PHLPP2: variants seen among roughly 807,000 people sequenced by gnomAD.
PHLPP2 encodes the protein PH domain and leucine rich repeat protein phosphatase 2.
PHLPP2 carries 66 observed loss-of-function variants against 124.9 expected under a neutral mutation model. That is an observed-to-expected ratio of 0.53 (90% CI 0.43 to 0.65). PHLPP2 has a LOEUF of 0.65. Among genes scored for constraint, PHLPP2 ranks in the 30% least tolerant of loss-of-function variants. The pLI, the probability that PHLPP2 is intolerant of heterozygous loss-of-function variation, is 0.00. For synonymous variants in PHLPP2, 681 were observed against 624.7 expected, an observed-to-expected ratio of 1.09 and a Z score of -1.34; for missense variants, 1,685 against 1,600.4, an observed-to-expected ratio of 1.05 and a Z score of -0.90.
intron 3 of PHLPP2, among the ~76,000 whole-genome samples, chr16:71,693,281 T>C (rs1236224430): frequency 1.3e-5 from 2 of 152,084 alleles, no homozygotes; most frequent in East Asian, 1.9e-4. Context: ...AGCGAGACTC[T>C]GTCTCACAAA....
At chr16:71,697,635 T>C (rs2045186413) in intron 3 of PHLPP2, among the ~76,000 whole-genome samples, 2 of 152,158 alleles carry the variant, frequency 1.3e-5, no homozygotes, top group South Asian at 4.1e-4. Flanking sequence ...TTATGCTCTT[T>C]TGACAAAGCT....
chr16:71,674,732 C>T (rs1473375407), intron 9 of PHLPP2, among the ~76,000 whole-genome samples: 1 of 152,190 alleles, frequency 6.6e-6, no homozygotes, highest in Non-Finnish European at 1.5e-5. Context: ...TGTAATGGCT[C>T]ACACCTGTAA....
intron 14 of PHLPP2, 127 bp downstream of exon 14, chr16:71,658,526 T>A: frequency 8.2e-7 from 1 of 1,223,140 alleles, no homozygotes; most frequent in Non-Finnish European, 1.1e-6. Context: ...AAGAAGACAA[T>A]AATATTTTTC....
chr16:71,659,629 T>C (rs1481386366), intron 13 of PHLPP2, among the ~76,000 whole-genome samples: 1 of 152,212 alleles, frequency 6.6e-6, no homozygotes, highest in African/African-American at 2.4e-5. Flanking sequence ...TAAACATTTA[T>C]CAAGTTCTTA....
Position 71,649,815 on chromosome 16 carries a change from A to T in PHLPP2, c.3047T>A (p.Leu1016Ter), listed in dbSNP as rs61733127. The part of the protein sequence containing the change: ...PLAAAKKLCT[L>*]AQSYGCQDNV... The stretch of plus-strand genomic sequence containing the variant: ...GTCCTGACAGCCATAGCTCTGCGCT[A>T]ATGTGCACAGCTTCTTAGCAGCTGC... The change falls in exon 19 of 19, where the codon TTA (leucine) becomes TAA (stop). Residue 1016 changes from leucine (L) to a stop codon, truncating the protein, a stop_gained. Coordinates refer to ENST00000568954, the MANE Select transcript of PHLPP2 (RefSeq NM_015020.3). LOFTEE classifies it high-confidence loss of function. The T allele has an allele frequency of 1.2e-6, 2 of 1,613,998 alleles. No homozygotes were observed. The highest frequency in any genetic ancestry group is 1.7e-6 in the Non-Finnish European group (2 of 1,179,954).
chr16:71,698,739 G>T, intron 3 of PHLPP2: 1 of 283,130 alleles, frequency 3.5e-6, no homozygotes, highest in South Asian at 4.1e-5. Flanking sequence ...GATTAATCAT[G>T]CTACCTACTC....
chr16:71,655,084 C>T (rs778688035), intron 17 of PHLPP2, 156 bp downstream of exon 17: 7 of 592,214 alleles, frequency 1.2e-5, no homozygotes, highest in Non-Finnish European at 1.8e-5. Flanking sequence ...GAAGTCCCCG[C>T]ACTCCATGCT....
rs140410920 is a variant in PHLPP2, at chr16:71,664,061, G to A, written c.1823C>T (p.Ser608Phe). 1.7e-4 allele frequency: 274 copies of A among 1,613,722 alleles called. No individual in the cohort carries two copies. The highest frequency in any genetic ancestry group is 1.9e-4 in the Non-Finnish European group (230 of 1,179,728). ...YLNASANSLE[S>F]LPSACTGEES... Reference sequence around the variant, plus strand: ...CTCTCCAGTGCAGGCGGATGGTAAAGACTCCAGACTATTTGCAGATGCATT... The same window carrying A: ...CTCTCCAGTGCAGGCGGATGGTAAAAACTCCAGACTATTTGCAGATGCATT... Residue 608 changes from serine to phenylalanine, a missense_variant, in exon 13 of 19, where the codon TCT becomes TTT. By Grantham distance (155) the Ser-to-Phe change is radical (BLOSUM62 -2). Transcript: ENST00000568954.
In PHLPP2 at chr16:71,679,529, A is replaced by G; in HGVS notation, c.897T>C (p.Ser299=). The part of the protein sequence containing the change: ...PGGLDTLYKF[S]QLKGLNLSHN... ...GGGACAAGTTCAGGCCCTTCAGTTGAGAAAATCTAAAGAGCAAAGGCAAAA... is the reference window on the plus strand; with the variant it reads ...GGGACAAGTTCAGGCCCTTCAGTTGGGAAAATCTAAAGAGCAAAGGCAAAA... The change falls in exon 7 of 19, where the codon TCT becomes TCC. Residue 299 remains serine, a synonymous_variant. Coordinates refer to ENST00000568954, the MANE Select transcript of PHLPP2 (RefSeq NM_015020.3). 6.2e-7 allele frequency: 1 copy of G among 1,613,986 alleles called. No individual in the cohort carries two copies. Among genetic ancestry groups the G allele is most frequent in the Non-Finnish European group, 8.5e-7 (1 of 1,179,922 alleles).
chr16:71,674,990 C>A (rs1220424187), intron 9 of PHLPP2, among the ~76,000 whole-genome samples: 1 of 152,184 alleles, frequency 6.6e-6, no homozygotes, highest in Admixed American at 6.5e-5. Context: ...GAGCTAGACT[C>A]CGTCTCAAAA....
At position 71,655,302 on chromosome 16, in the gene PHLPP2, T is replaced by C; in HGVS notation, c.2523A>G (p.Glu841=). ...TGTCATTAGTTGACTGCTGTACCTC[T>C]TCTAAAAGCACATCTGCCATCGTAC... ...LQCTMADVLL[E]EVQQSTNDTV... Residue 841 remains glutamate, a synonymous_variant, in exon 17 of 19, where the codon GAA becomes GAG. Transcript: ENST00000568954. 1.2e-6 allele frequency: 2 copies of C among 1,614,040 alleles called. No individual in the cohort carries two copies. The highest frequency in any genetic ancestry group is 1.7e-6 in the Non-Finnish European group (2 of 1,179,900).
At chr16:71,682,045 T>G (rs1484135610) in intron 5 of PHLPP2, 140 bp from the exon 6 acceptor site, 16 of 563,900 alleles carry the variant, frequency 2.8e-5, no homozygotes, top group Admixed American at 3.8e-5. Flanking sequence ...ATTATTCATT[T>G]ATAAATACCA....
Position 71,648,720 on chromosome 16 carries a change from G to A in PHLPP2, c.*170C>T, listed in dbSNP as rs892555449. The A allele has an allele frequency of 3.8e-5, 23 of 604,188 alleles. No homozygotes were observed. The highest frequency in any genetic ancestry group is 5.6e-5 in the African/African-American group (3 of 53,904). 37.4% of individuals were successfully genotyped at this position (604,188 alleles called of 1,614,324 possible). A position where few individuals can be genotyped will look rare whatever the true frequency, so the allele number is the denominator to read the frequency against. On this transcript the variant is annotated 3_prime_UTR_variant, in exon 19 of 19. Coordinates refer to ENST00000568954, the MANE Select transcript of PHLPP2 (RefSeq NM_015020.3). ...CCAGGGACAGAGGCTGCAGTGACCCGAGACCCCACCATTGCACTCCAGCCT... is the reference window on the plus strand; with the variant it reads ...CCAGGGACAGAGGCTGCAGTGACCCAAGACCCCACCATTGCACTCCAGCCT...
Position 71,681,869 on chromosome 16 carries a change from A to T in PHLPP2, c.772T>A (p.Cys258Ser), listed in dbSNP as rs777647605. ...SQRISTVDLSCYSLEEVPEHL... is the reference protein window; with the variant it reads ...SQRISTVDLSSYSLEEVPEHL... ...TCAGGAACCTCCTCGAGGCTGTAACACGAGAGATCCACGGTACTGATTCGC... is the reference window on the plus strand; with the variant it reads ...TCAGGAACCTCCTCGAGGCTGTAACTCGAGAGATCCACGGTACTGATTCGC... The change falls in exon 6 of 19, where the codon TGT becomes AGT. Residue 258 changes from cysteine (C) to serine (S), a missense_variant. Coordinates refer to ENST00000568954, the MANE Select transcript of PHLPP2 (RefSeq NM_015020.3). 7 of 1,613,646 alleles carry T rather than the reference A, an allele frequency of 4.3e-6. No homozygotes were observed. The East Asian group carries it at 1.3e-4, about 31-fold the overall frequency.
chr16:71,652,753 T>A (rs1321907747), intron 18 of PHLPP2, 37 bp downstream of exon 18: 2 of 1,472,924 alleles, frequency 1.4e-6, no homozygotes, highest in South Asian at 2.3e-5. Context: ...TCCACTGATT[T>A]GGGGAGCAGA....
intron 18 of PHLPP2, among the ~76,000 whole-genome samples, chr16:71,652,134 A>G (rs2044700829): frequency 6.6e-6 from 1 of 152,250 alleles, no homozygotes; most frequent in African/African-American, 2.4e-5. Flanking sequence ...CAGGTATCTG[A>G]TAAAGAACTT....
At chr16:71,658,986 G>C (rs746368421) in intron 13 of PHLPP2, among the ~76,000 whole-genome samples, 171 bp from the exon 14 acceptor site, 3 of 152,172 alleles carry the variant, frequency 2.0e-5, no homozygotes, top group Non-Finnish European at 4.4e-5. Flanking sequence ...GGCTCAAGAA[G>C]ATAACTACTC....
intron 3 of PHLPP2, among the ~76,000 whole-genome samples, chr16:71,691,466 A>AATAG (rs1196213907): frequency 5.2e-5 from 1 of 19,278 alleles, no homozygotes; most frequent in Non-Finnish European, 9.1e-5. Flanking sequence ...GTCTCAAATA[A>AATAG]ATAAATAAAT....
At chr16:71,713,845 G>T (rs992294805) in intron 2 of PHLPP2, among the ~76,000 whole-genome samples, 1 of 151,466 alleles carries the variant, frequency 6.6e-6, no homozygotes, top group South Asian at 2.1e-4. Flanking sequence ...AACAGGCCTG[G>T]GTAGTTGGGG....
Sources: allele counts gnomAD v4.1 joint callset (sites outside exome capture counted in the v4.1 genomes callset), GRCh38; gene constraint gnomAD v4.1.1; transcripts MANE v1.5; gene names NCBI Gene and HGNC (gene_info 2026-07-23, HGNC 2026-07-21).